ASIC2: variants seen among roughly 807,000 people sequenced by gnomAD.
The protein encoded by ASIC2 is acid-sensing ion channel 2.
A neutral mutation model predicts 57.3 loss-of-function variants in ASIC2; 25 were observed. The ratio of observed to expected loss-of-function variants is 0.44; its 90% CI spans 0.32 to 0.61. ASIC2 has a LOEUF of 0.61. Among genes scored for constraint, ASIC2 ranks in the 20% least tolerant of loss-of-function variants. The pLI is 0.06. For missense variants in ASIC2, 641 were observed against 738.1 expected (o/e 0.87, Z 1.52); for synonymous variants, 319 against 307.5 (o/e 1.04, Z -0.39).
At chr17:33,429,425 C>G (rs563466579) in intron 1 of ASIC2, among the ~76,000 whole-genome samples, 1 of 152,158 alleles carries the variant, frequency 6.6e-6, no homozygotes, top group South Asian at 2.1e-4. Flanking sequence ...GAGTCTCGCT[C>G]TGTCGCCCAG....
At chr17:33,558,721 A>T (rs1161454719) in intron 1 of ASIC2, among the ~76,000 whole-genome samples, 1 of 152,168 alleles carries the variant, frequency 6.6e-6, no homozygotes, top group African/African-American at 2.4e-5. Context: ...GTTCTAACAA[A>T]ACTTTGCTTA....
intron 1 of ASIC2, among the ~76,000 whole-genome samples, chr17:34,082,780 CT>C (rs1909939617): frequency 6.6e-6 from 1 of 152,162 alleles, no homozygotes; most frequent in Non-Finnish European, 1.5e-5. Context: ...TAAGTTGAGG[CT>C]TAGAAAATTT....
At position 33,373,683 on chromosome 17, in the gene ASIC2, T is replaced by A. The variant is rs1416755373; in HGVS notation, c.556-261616A>T. On this transcript the variant is annotated intron_variant, in intron 1 of 9. Transcript: ENST00000359872. The stretch of plus-strand genomic sequence containing the variant: ...TTATAAAACCTAAGATTGGTCTTTT[T>A]TTTCTCTTTTCTCAGATGGAGTCTT... Among the ~76,000 whole-genome samples, 3 of 96,078 alleles carry A rather than the reference T, an allele frequency of 3.1e-5. No individual in the cohort carries two copies. In the South Asian group the frequency reaches 9.5e-4, roughly 31 times the overall value. The allele number at this position is 96,078 out of a possible 152,430, so 63.0% of individuals were successfully genotyped here.
At chr17:33,733,463 T>G (rs895800199) in intron 1 of ASIC2, among the ~76,000 whole-genome samples, 2 of 152,158 alleles carry the variant, frequency 1.3e-5, no homozygotes, top group African/African-American at 4.8e-5. Context: ...CTAGGAGAGT[T>G]GATCTCCCTG....
chr17:33,280,110 T>C (rs1904879265), intron 1 of ASIC2, among the ~76,000 whole-genome samples: 1 of 152,072 alleles, frequency 6.6e-6, no homozygotes, highest in South Asian at 2.1e-4. Context: ...TCCTGCCCCA[T>C]TTTCGTCTTT....
chr17:33,563,086 C>T (rs1916126206), intron 1 of ASIC2, among the ~76,000 whole-genome samples: 1 of 152,180 alleles, frequency 6.6e-6, no homozygotes, highest in Non-Finnish European at 1.5e-5. Flanking sequence ...CATGATGGCA[C>T]AGCCAGCCAC....
At chr17:33,579,824 T>C (rs1904363313) in intron 1 of ASIC2, among the ~76,000 whole-genome samples, 1 of 152,182 alleles carries the variant, frequency 6.6e-6, no homozygotes. Context: ...TTTCGGCGTC[T>C]GGCTCGGGTG....
chr17:33,375,615 G>T (rs1444991620), intron 1 of ASIC2, among the ~76,000 whole-genome samples: 1 of 152,282 alleles, frequency 6.6e-6, no homozygotes, highest in South Asian at 2.1e-4. Flanking sequence ...TGACTACCGG[G>T]ACTGCAAGGG....
At chr17:34,098,295 A>G (rs533336616) in intron 1 of ASIC2, among the ~76,000 whole-genome samples, 1 of 152,342 alleles carries the variant, frequency 6.6e-6, no homozygotes, top group South Asian at 2.1e-4. Context: ...TACTGACTTA[A>G]CAGCTTGCAG....
At chr17:33,029,231 T>C (rs1483211731) in intron 3 of ASIC2, among the ~76,000 whole-genome samples, 1 of 152,230 alleles carries the variant, frequency 6.6e-6, no homozygotes, top group Non-Finnish European at 1.5e-5. Context: ...CCAACCAAGA[T>C]AGAGGACATT....
At chr17:33,838,603 T>C (rs750397729) in intron 1 of ASIC2, among the ~76,000 whole-genome samples, 3 of 152,228 alleles carry the variant, frequency 2.0e-5, no homozygotes, top group Non-Finnish European at 4.4e-5. Flanking sequence ...TATCATTTAA[T>C]TGCCGTAGAA....
At chr17:33,112,229 C>T (rs1490193409) in intron 1 of ASIC2, 162 bp from the exon 2 acceptor site, 5 of 969,048 alleles carry the variant, frequency 5.2e-6, no homozygotes, top group African/African-American at 5.0e-5. Context: ...TGGCTGTGGG[C>T]CTGACTTGTA....
chr17:33,838,278 A>C (rs1283659399), intron 1 of ASIC2, among the ~76,000 whole-genome samples: 1 of 152,140 alleles, frequency 6.6e-6, no homozygotes, highest in African/African-American at 2.4e-5. Flanking sequence ...CACACTAACT[A>C]TTGAGCTCTT....
chr17:33,807,435 T>C (rs1427124500), intron 1 of ASIC2, among the ~76,000 whole-genome samples: 2 of 152,186 alleles, frequency 1.3e-5, no homozygotes, highest in Admixed American at 1.3e-4. Flanking sequence ...AACACCACAA[T>C]TGCCACTCTC....
chr17:34,089,008 C>T (rs1360804220), intron 1 of ASIC2, among the ~76,000 whole-genome samples: 2 of 152,192 alleles, frequency 1.3e-5, no homozygotes. Context: ...CAATGCCTAG[C>T]CCTGCTTCGG....
At chr17:33,822,647 C>T in intron 1 of ASIC2, among the ~76,000 whole-genome samples, 1 of 152,168 alleles carries the variant, frequency 6.6e-6, no homozygotes, top group Admixed American at 6.5e-5. Context: ...TATGTTTATT[C>T]TTGCTCTGAT....
At chr17:33,810,582 C>T (rs1409969793) in intron 1 of ASIC2, among the ~76,000 whole-genome samples, 1 of 152,138 alleles carries the variant, frequency 6.6e-6, no homozygotes, top group African/African-American at 2.4e-5. Context: ...CTCACAATAG[C>T]TCCATGAGGC....
chr17:33,801,751 T>G (rs1335858982), intron 1 of ASIC2, among the ~76,000 whole-genome samples: 1 of 152,212 alleles, frequency 6.6e-6, no homozygotes, highest in East Asian at 1.9e-4. Context: ...TGGTTAAATA[T>G]GACTGTTTGA....
At chr17:34,107,803 G>T (rs1471412228) in intron 1 of ASIC2, among the ~76,000 whole-genome samples, 1 of 152,026 alleles carries the variant, frequency 6.6e-6, no homozygotes, top group Non-Finnish European at 1.5e-5. Flanking sequence ...TCAGTTTTAG[G>T]GTTCTCTCCT....
Sources: allele counts gnomAD v4.1 joint callset (sites outside exome capture counted in the v4.1 genomes callset), GRCh38; gene constraint gnomAD v4.1.1; transcripts MANE v1.5; gene names NCBI Gene and HGNC (gene_info 2026-07-23, HGNC 2026-07-21).